Variants in DACH1 observed in about 807,000 individuals in gnomAD.
The protein encoded by DACH1 is dachshund homolog 1.
A neutral mutation model predicts 54.2 loss-of-function variants in DACH1; 12 were observed. That is an observed-to-expected ratio of 0.22 (90% CI 0.14 to 0.36). The LOEUF is 0.36. Ranked by LOEUF, DACH1 falls within the 10% of genes least tolerant of loss-of-function variation. The probability of loss-of-function intolerance (pLI) is 1.00; values close to 1 mark genes in which losing one functional copy is unlikely to be tolerated. For missense variants in DACH1, 805 were observed against 929.8 expected (o/e 0.87, Z 1.75); for synonymous variants, 386 against 366.2 (o/e 1.05, Z -0.62).
At chr13:71,781,902 T>A (rs533523214) in intron 1 of DACH1, among the ~76,000 whole-genome samples, 4 of 152,182 alleles carry the variant, frequency 2.6e-5, no homozygotes, top group East Asian at 1.9e-4. Flanking sequence ...CCTTTACATA[T>A]GTTTTTAAAA....
intron 1 of DACH1, among the ~76,000 whole-genome samples, chr13:71,792,210 T>A (rs1886862216): frequency 6.6e-6 from 1 of 152,170 alleles, no homozygotes; most frequent in African/African-American, 2.4e-5. Context: ...TTTCTCTGAA[T>A]AAATGACATA....
intron 6 of DACH1, among the ~76,000 whole-genome samples, chr13:71,545,690 T>G (rs1371200693): frequency 6.6e-6 from 1 of 152,028 alleles, no homozygotes; most frequent in Non-Finnish European, 1.5e-5. Flanking sequence ...TTTAACAAAA[T>G]ATAGTCCACA....
chr13:71,827,693 C>T lies in DACH1; in HGVS notation c.848+38229G>A, dbSNP rs113872279. Among the ~76,000 whole-genome samples, 824 of 152,114 alleles carry T rather than the reference C, an allele frequency of 5.4e-3. 5 individuals carry two copies. Among genetic ancestry groups the T allele is most frequent in the African/African-American group, 0.017 (702 of 41,532 alleles). On this transcript the variant is annotated intron_variant, in intron 1 of 10. Transcript: ENST00000613252. Reference sequence around the variant, plus strand: ...TGTGACAGTGCCCTTTAAACATTTACAATTTAATTTATGTCACTAATAATA... The same window carrying T: ...TGTGACAGTGCCCTTTAAACATTTATAATTTAATTTATGTCACTAATAATA...
chr13:71,649,080 T>C (rs1878496358), intron 2 of DACH1, among the ~76,000 whole-genome samples: 2 of 152,164 alleles, frequency 1.3e-5, no homozygotes, highest in Admixed American at 6.6e-5. Context: ...AGACCACATA[T>C]ACAACAGTGG....
intron 2 of DACH1, among the ~76,000 whole-genome samples, chr13:71,647,370 A>G (rs765377382): frequency 2.6e-5 from 4 of 152,202 alleles, no homozygotes; most frequent in Non-Finnish European, 5.9e-5. Context: ...CAGGAAATCA[A>G]TGATGTCTAG....
At chr13:71,709,706 A>G (rs1882619668) in intron 1 of DACH1, among the ~76,000 whole-genome samples, 1 of 152,248 alleles carries the variant, frequency 6.6e-6, no homozygotes, top group Non-Finnish European at 1.5e-5. Context: ...AAATTTTATT[A>G]TAAGTATGCA....
At position 71,735,222 on chromosome 13, in the gene DACH1, C is replaced by CGT. The variant is rs1566467202; in HGVS notation, c.849-53313_849-53312insAC. 1.2e-4 allele frequency among the ~76,000 whole-genome samples: 14 copies of CGT among 121,022 alleles called. 1 individual carries two copies. Among genetic ancestry groups the CGT allele is most frequent in the African/African-American group, 3.4e-4 (12 of 35,124 alleles). 79.4% of individuals were successfully genotyped at this position (121,022 alleles called of 152,430 possible). ...ATGGGATACACGTATATGGGATATA[C>CGT]ATATGTATATGGGATACACGTATAT... On this transcript the variant is annotated intron_variant, in intron 1 of 10. Transcript: ENST00000613252.
intron 1 of DACH1, among the ~76,000 whole-genome samples, chr13:71,733,339 T>A (rs1267020675): frequency 6.6e-6 from 1 of 152,068 alleles, no homozygotes; most frequent in Non-Finnish European, 1.5e-5. Context: ...GTTTTTTGTT[T>A]GCTTGTTTGT....
At chr13:71,770,198 C>G (rs1885796810) in intron 1 of DACH1, among the ~76,000 whole-genome samples, 1 of 151,604 alleles carries the variant, frequency 6.6e-6, no homozygotes, top group Non-Finnish European at 1.5e-5. Context: ...ATTACAAGGC[C>G]TGAAATCCTT....
intron 4 of DACH1, among the ~76,000 whole-genome samples, chr13:71,563,173 T>A (rs1037640021): frequency 1.3e-5 from 2 of 152,066 alleles, no homozygotes; most frequent in Admixed American, 1.3e-4. Flanking sequence ...CATTGATATA[T>A]TTTTGTATAA....
At chr13:71,535,178 C>T (rs1263323478) in intron 6 of DACH1, among the ~76,000 whole-genome samples, 1 of 151,688 alleles carries the variant, frequency 6.6e-6, no homozygotes, top group Non-Finnish European at 1.5e-5. Flanking sequence ...TATATTAACA[C>T]TGTATTATAC....
intron 1 of DACH1, among the ~76,000 whole-genome samples, chr13:71,733,516 C>T (rs1026750050): frequency 6.6e-6 from 1 of 152,098 alleles, no homozygotes; most frequent in Non-Finnish European, 1.5e-5. Flanking sequence ...TCTTCGGACC[C>T]ACTTTGATAA....
chr13:71,487,217 T>A (rs115381722), intron 7 of DACH1, among the ~76,000 whole-genome samples: 1 of 152,174 alleles, frequency 6.6e-6, no homozygotes, highest in African/African-American at 2.4e-5. Context: ...CAGATCCCTA[T>A]AATTTGGGAA....
intron 6 of DACH1, among the ~76,000 whole-genome samples, chr13:71,510,532 T>C (rs990898252): frequency 6.6e-6 from 1 of 152,074 alleles, no homozygotes; most frequent in African/African-American, 2.4e-5. Flanking sequence ...AGTGTGACAT[T>C]CTAGTTCATA....
chr13:71,481,993 G>A (rs1188926807), intron 7 of DACH1, among the ~76,000 whole-genome samples: 1 of 152,140 alleles, frequency 6.6e-6, no homozygotes, highest in Admixed American at 6.6e-5. Context: ...AACGATAGAA[G>A]GTTTAAAGCA....
chr13:71,479,184 C>T lies in DACH1; in HGVS notation c.1855G>A (p.Glu619Lys). ...RETLEKQLAM[E>K]QKNRAIVQKR... is the part of the protein sequence containing the mutation. ...TTGGAAATACCTCTATTCTTTTGTT[C>T]CATAGCCAACTGCTTCTCAAGTGTT... The change falls in exon 8 of 11, where the codon GAA (glutamate) becomes AAA (lysine). Residue 619 changes from glutamate (E) to lysine (K), a missense_variant. By Grantham distance (56) the Glu-to-Lys change is moderately conservative. This residue lies in a region of DACH1 where 472 missense variants were observed against 545.3 expected (regional missense o/e 0.87). Coordinates refer to ENST00000613252, the MANE Select transcript of DACH1 (RefSeq NM_080759.6). 1 of 1,610,738 alleles carries T rather than the reference C, an allele frequency of 6.2e-7. No individual in the cohort carries two copies. The highest frequency in any genetic ancestry group is 8.5e-7 in the Non-Finnish European group (1 of 1,178,920).
chr13:71,809,408 T>C (rs1887627381), intron 1 of DACH1, among the ~76,000 whole-genome samples: 1 of 152,130 alleles, frequency 6.6e-6, no homozygotes, highest in Admixed American at 6.5e-5. Flanking sequence ...TGGGCTCAAG[T>C]GATCCTCCCA....
intron 10 of DACH1, among the ~76,000 whole-genome samples, chr13:71,474,435 C>T (rs2138170071): frequency 6.6e-6 from 1 of 152,236 alleles, no homozygotes; most frequent in East Asian, 1.9e-4. Context: ...GCTCTTGTTA[C>T]TGTTTAGTAT....
chr13:71,678,513 ATAG>A (rs1880702495), intron 2 of DACH1, among the ~76,000 whole-genome samples: 2 of 152,206 alleles, frequency 1.3e-5, no homozygotes, highest in African/African-American at 4.8e-5. Context: ...AGTAAGCAAA[ATAG>A]TAGTGAGCTG....
Sources: gnomAD v4.1 joint callset for allele counts (sites outside exome capture counted in the v4.1 genomes callset) on GRCh38, gnomAD v4.1.1 for gene constraint, gnomAD v4.1.1 regional missense constraint, MANE v1.5 for transcripts, NCBI Gene and HGNC (gene_info 2026-07-23, HGNC 2026-07-21) for gene names.